Variants in IQGAP2 observed in about 807,000 individuals in gnomAD.
IQGAP2 encodes ras GTPase-activating-like protein IQGAP2.
IQGAP2 carries 173 observed loss-of-function variants against 201.3 expected under a neutral mutation model. The ratio of observed to expected loss-of-function variants is 0.86; its 90% CI spans 0.76 to 0.98. IQGAP2 has a LOEUF of 0.98. Among genes scored for constraint, IQGAP2 ranks in the 50% least tolerant of loss-of-function variants. The pLI is 0.00. For synonymous variants in IQGAP2, 675 were observed against 673.9 expected, an observed-to-expected ratio of 1.00 and a Z score of -0.03; for missense variants, 1,687 against 1,864.8, an observed-to-expected ratio of 0.90 and a Z score of 1.76.
chr5:76,496,798 T>G (rs1435643843), intron 2 of IQGAP2, among the ~76,000 whole-genome samples: 2 of 147,222 alleles, frequency 1.4e-5, no homozygotes, highest in African/African-American at 5.0e-5. Context: ...TCTTTCTCTT[T>G]CTTTCTTTCT....
At position 76,540,908 on chromosome 5, in the gene IQGAP2, A is replaced by G. The variant is rs377595473; in HGVS notation, c.147-21488A>G. Among the ~76,000 whole-genome samples the G allele has an allele frequency of 3.5e-4, 54 of 152,362 alleles. 1 individual carries two copies. In the South Asian group the frequency reaches 0.011, roughly 30 times the overall value. ...GCCAGACTCTAATGTCGAATGAGTG[A>G]TAGTGCTTATTCCTGTATTGATTGC... On this transcript the variant is annotated intron_variant, in intron 2 of 35. Coordinates refer to ENST00000274364, the MANE Select transcript of IQGAP2 (RefSeq NM_006633.5).
intron 2 of IQGAP2, among the ~76,000 whole-genome samples, chr5:76,541,289 C>A (rs532868408): frequency 1.1e-4 from 16 of 152,134 alleles, no homozygotes; most frequent in Admixed American, 3.9e-4. Flanking sequence ...AATATGTGTC[C>A]TTTGGTGCCC....
chr5:76,634,565 T>C (rs931397819), intron 15 of IQGAP2, among the ~76,000 whole-genome samples: 1 of 152,090 alleles, frequency 6.6e-6, no homozygotes, highest in Non-Finnish European at 1.5e-5. Context: ...CAGCCCCTAC[T>C]CTCTGACTCT....
At position 76,701,219 on chromosome 5, in the gene IQGAP2, T is replaced by C. The variant is rs1450502043; in HGVS notation, c.4505+6T>C. 1.2e-6 allele frequency: 2 copies of C among 1,613,816 alleles called. No individual in the cohort carries two copies. The highest frequency in any genetic ancestry group is 8.5e-7 in the Non-Finnish European group (1 of 1,179,708). On this transcript the variant is annotated splice_donor_region_variant and intron_variant, in intron 34 of 35. Transcript: ENST00000274364. ...GATGATCTTCAAACAAACCAGTAAG[T>C]GTGACCTGGAATCTGCATAGAACAC...
At chr5:76,664,272 G>A (rs6873558) in intron 21 of IQGAP2, among the ~76,000 whole-genome samples, 23,767 of 152,148 alleles carry the variant, frequency 0.16, 2,403 homozygotes, top group African/African-American at 0.29. Context: ...GAAATAGGGG[G>A]CCCAAGAAGA....
At position 76,403,677 on chromosome 5, in the gene IQGAP2, T is replaced by G; in HGVS notation, c.46+86T>G. The G allele has an allele frequency of 8.3e-7, 1 of 1,201,066 alleles. No homozygotes were observed. Among genetic ancestry groups the G allele is most frequent in the African/African-American group, 1.6e-5 (1 of 62,328 alleles). 74.4% of individuals were successfully genotyped at this position (1,201,066 alleles called of 1,614,324 possible). The stretch of plus-strand genomic sequence containing the variant: ...GCGTTGGAGAAGCCGAGGGAGCCGG[T>G]TGCGCGGCGCAGAGGAAATTGGAAG... On this transcript the variant is annotated intron_variant, in intron 1 of 35. Transcript: ENST00000274364. The surrounding 1 kb of genome is among the most constrained non-coding windows in gnomAD (Gnocchi z 4.8).
chr5:76,530,104 G>A (rs765515234), intron 2 of IQGAP2, among the ~76,000 whole-genome samples: 3 of 152,180 alleles, frequency 2.0e-5, no homozygotes, highest in Non-Finnish European at 2.9e-5. Flanking sequence ...GGGCTGTGTG[G>A]ACTCTGTCCT....
intron 1 of IQGAP2, among the ~76,000 whole-genome samples, chr5:76,453,803 G>T (rs1411713261): frequency 6.6e-6 from 1 of 152,178 alleles, no homozygotes; most frequent in Non-Finnish European, 1.5e-5. Context: ...GAGACATTTT[G>T]CCCTGACCAA....
chr5:76,434,047 A>G (rs1407370296), intron 1 of IQGAP2, among the ~76,000 whole-genome samples: 1 of 152,194 alleles, frequency 6.6e-6, no homozygotes, highest in South Asian at 2.1e-4. Context: ...GATTCATATT[A>G]TAAGCCAGGA....
At chr5:76,520,288 C>T (rs1758591744) in intron 2 of IQGAP2, among the ~76,000 whole-genome samples, 2 of 152,148 alleles carry the variant, frequency 1.3e-5, no homozygotes, top group Non-Finnish European at 2.9e-5. Flanking sequence ...AAAGACTACT[C>T]CTTCTCCATT....
intron 2 of IQGAP2, chr5:76,547,386 T>C (rs184050425): frequency 4.3e-6 from 4 of 930,254 alleles, no homozygotes; most frequent in African/African-American, 1.8e-5. Flanking sequence ...AACAATTCCA[T>C]ATTGAATACT....
chr5:76,547,939 T>G (rs535717113), intron 2 of IQGAP2, among the ~76,000 whole-genome samples: 2 of 152,322 alleles, frequency 1.3e-5, no homozygotes, highest in East Asian at 3.9e-4. Context: ...TATGTTCAGA[T>G]CAGTGTAGCC....
intron 1 of IQGAP2, among the ~76,000 whole-genome samples, chr5:76,457,674 A>AT (rs1179980437): frequency 6.6e-6 from 1 of 152,144 alleles, no homozygotes; most frequent in Non-Finnish European, 1.5e-5. Context: ...AATTAGGTAG[A>AT]TTTTGGGCTA....
intron 1 of IQGAP2, among the ~76,000 whole-genome samples, chr5:76,433,517 C>T (rs1240548365): frequency 6.6e-6 from 1 of 152,198 alleles, no homozygotes; most frequent in African/African-American, 2.4e-5. Flanking sequence ...TATAAACTCT[C>T]CCACCCCTTC....
intron 20 of IQGAP2, among the ~76,000 whole-genome samples, chr5:76,657,957 C>T (rs547655813): frequency 6.6e-6 from 1 of 152,298 alleles, no homozygotes; most frequent in East Asian, 1.9e-4. Flanking sequence ...CTTTTACAGT[C>T]CTCCCTTCCT....
chr5:76,469,389 C>G (rs1754981477), intron 2 of IQGAP2, among the ~76,000 whole-genome samples: 1 of 151,106 alleles, frequency 6.6e-6, no homozygotes, highest in African/African-American at 2.4e-5. Flanking sequence ...TGTTAAGACT[C>G]AAAAAATGAA....
chr5:76,536,337 CG>C (rs943745534), intron 2 of IQGAP2, among the ~76,000 whole-genome samples: 1 of 150,776 alleles, frequency 6.6e-6, no homozygotes, highest in East Asian at 2.0e-4. Flanking sequence ...TCCCAAAGTG[CG>C]GGGATCACAG....
At chr5:76,486,870 A>G (rs572678898) in intron 2 of IQGAP2, among the ~76,000 whole-genome samples, 30 of 152,206 alleles carry the variant, frequency 2.0e-4, no homozygotes, top group African/African-American at 7.2e-4. Context: ...TCCTTTTTAT[A>G]TCTGTCCTAG....
At position 76,674,499 on chromosome 5, in the gene IQGAP2, A is replaced by C; in HGVS notation, c.3317A>C (p.Tyr1106Ser). 6.2e-7 allele frequency: 1 copy of C among 1,613,162 alleles called. No individual in the cohort carries two copies. Among genetic ancestry groups the C allele is most frequent in the Non-Finnish European group, 8.5e-7 (1 of 1,179,168 alleles). Residue 1106 changes from tyrosine to serine, a missense_variant, in exon 27 of 36, where the codon TAT (tyrosine) becomes TCT (serine). Physicochemically the swap from Tyr to Ser is moderately radical, Grantham distance 144. Transcript: ENST00000274364. Reference sequence around the variant, plus strand: ...CAGATTGTTGGAAACCTCCTGTACTATCGGTACATGAATCCAGCCATTGTA... The same window carrying C: ...CAGATTGTTGGAAACCTCCTGTACTCTCGGTACATGAATCCAGCCATTGTA... ...LLKIVGNLLY[Y>S]RYMNPAIVAP...
Sources: allele counts gnomAD v4.1 joint callset (sites outside exome capture counted in the v4.1 genomes callset), GRCh38; gene constraint gnomAD v4.1.1; non-coding constraint Gnocchi (gnomAD v3.1); transcripts MANE v1.5; gene names NCBI Gene and HGNC (gene_info 2026-07-23, HGNC 2026-07-21).